Variants in PDE1C observed in about 807,000 individuals in gnomAD.
PDE1C encodes the protein phosphodiesterase 1C, also known as dual specificity calcium/calmodulin-dependent 3',5'-cyclic nucleotide phosphodiesterase 1C.
A neutral mutation model predicts 93.1 loss-of-function variants in PDE1C; 62 were observed. That is an observed-to-expected ratio of 0.67 (90% CI 0.54 to 0.82). The LOEUF (loss-of-function observed/expected upper bound fraction) is 0.82. Among genes scored for constraint, PDE1C ranks in the 40% least tolerant of loss-of-function variants. The pLI, the probability that PDE1C is intolerant of heterozygous loss-of-function variation, is 0.00. For missense variants in PDE1C, 742 were observed against 884.6 expected (o/e 0.84, Z 2.04); for synonymous variants, 325 against 310.1 (o/e 1.05, Z -0.50).
chr7:32,304,681 G>A lies in PDE1C; in HGVS notation c.311-95142C>T, dbSNP rs575257811. On this transcript the variant is annotated intron_variant, in intron 1 of 1. Coordinates refer to the PDE1C transcript ENST00000672256. ...AAGCTCCTCTACTTGCTAGCTGTGTGATCTTAGAAAAATGACTTAGCCTCT... is the reference window on the plus strand; with the variant it reads ...AAGCTCCTCTACTTGCTAGCTGTGTAATCTTAGAAAAATGACTTAGCCTCT... Among the ~76,000 whole-genome samples the A allele has an allele frequency of 1.7e-3, 251 of 152,072 alleles. 1 individual carries two copies. The highest frequency in any genetic ancestry group is 5.6e-3 in the African/African-American group (232 of 41,486).
the PDE1C span, among the ~76,000 whole-genome samples, chr7:31,623,741 A>C: frequency 1.9e-4 from 29 of 149,248 alleles, no homozygotes; most frequent in South Asian, 4.5e-4. Flanking sequence ...CACCACGCCT[A>C]TTCAACATAG....
the PDE1C span, chr7:31,642,404 G>A: frequency 1.5e-6 from 1 of 671,424 alleles, no homozygotes; most frequent in Admixed American, 3.0e-5. Flanking sequence ...AGGTTGAGAA[G>A]GCACAAGCCA....
chr7:32,310,141 A>G (rs1470504480), intron 1 of PDE1C, among the ~76,000 whole-genome samples: 1 of 151,992 alleles, frequency 6.6e-6, no homozygotes, highest in Admixed American at 6.6e-5. Context: ...ACAAAGATCA[A>G]AAGAGACAAA....
At chr7:32,380,950 C>T (rs1046460137) in intron 1 of PDE1C, among the ~76,000 whole-genome samples, 9 of 152,032 alleles carry the variant, frequency 5.9e-5, no homozygotes, top group Non-Finnish European at 1.3e-4. Flanking sequence ...TTTTCCACCT[C>T]CAGTTCCAAC....
chr7:31,933,845 C>T (rs1228332809), intron 2 of PDE1C, among the ~76,000 whole-genome samples: 1 of 152,164 alleles, frequency 6.6e-6, no homozygotes, highest in East Asian at 1.9e-4. Flanking sequence ...TTTTCTGAGG[C>T]TTCACCAGAA....
At chr7:32,100,950 C>T (rs1409643866) in intron 3 of PDE1C, among the ~76,000 whole-genome samples, 1 of 152,174 alleles carries the variant, frequency 6.6e-6, no homozygotes, top group East Asian at 1.9e-4. Context: ...ACTGGAATTT[C>T]CACATAGCAC....
chr7:32,133,618 GAC>G (rs1800044147), intron 3 of PDE1C, among the ~76,000 whole-genome samples: 1 of 152,066 alleles, frequency 6.6e-6, no homozygotes, highest in Admixed American at 6.6e-5. Context: ...AAATCTGAGT[GAC>G]CACCCACCAC....
At chr7:32,343,422 A>G (rs1403278120) in intron 1 of PDE1C, among the ~76,000 whole-genome samples, 1 of 152,206 alleles carries the variant, frequency 6.6e-6, no homozygotes, top group Non-Finnish European at 1.5e-5. Context: ...TGACTCACAG[A>G]TGGTGGGCTG....
At chr7:31,687,962 C>T in the PDE1C span, among the ~76,000 whole-genome samples, 329 of 152,216 alleles carry the variant, frequency 2.2e-3, 3 homozygotes, top group African/African-American at 7.7e-3. Context: ...ATTATGTTCC[C>T]AAGATTTAGA....
chr7:32,295,719 A>G (rs560101604), intron 1 of PDE1C, among the ~76,000 whole-genome samples: 13 of 151,742 alleles, frequency 8.6e-5, no homozygotes, highest in African/African-American at 2.9e-4. Context: ...CTGAAACCCC[A>G]CCTCTACTAA....
At chr7:31,854,696 T>C (rs547463084) in intron 7 of PDE1C, among the ~76,000 whole-genome samples, 1 of 152,306 alleles carries the variant, frequency 6.6e-6, no homozygotes, top group South Asian at 2.1e-4. Context: ...GACTTTTCTA[T>C]GTGAATGATA....
chr7:31,650,576 T>G, the PDE1C span, among the ~76,000 whole-genome samples: 2 of 152,202 alleles, frequency 1.3e-5, no homozygotes, highest in Non-Finnish European at 2.9e-5. Flanking sequence ...GCCTAACCTT[T>G]GCCTGCCTTC....
chr7:32,207,056 A>G lies in PDE1C; in HGVS notation c.136+2433T>C, dbSNP rs150091520. On this transcript the variant is annotated intron_variant, in intron 2 of 18. Coordinates refer to the PDE1C transcript ENST00000396193. ...AGATGCTCTAACTGAAGTCAGGTTG[A>G]TTGGAAGCCACTGCTTGAGCCTGCA... Among the ~76,000 whole-genome samples the G allele has an allele frequency of 4.3e-3, 656 of 152,214 alleles. 7 individuals carry two copies. Among genetic ancestry groups the G allele is most frequent in the African/African-American group, 0.015 (625 of 41,534 alleles).
intron 3 of PDE1C, among the ~76,000 whole-genome samples, chr7:32,147,984 T>TAAAAAAAAAAAAAAAAAACA (rs1801004696): frequency 1.3e-5 from 1 of 79,730 alleles, no homozygotes; most frequent in Non-Finnish European, 2.2e-5. Flanking sequence ...CCATTTATGC[T>TAAAAAAAAAAAAAAAAAACA]AAAAAAAAAA....
intron 2 of PDE1C, among the ~76,000 whole-genome samples, chr7:31,957,120 T>C (rs1307217941): frequency 6.6e-6 from 1 of 151,142 alleles, no homozygotes; most frequent in Non-Finnish European, 1.5e-5. Context: ...CACTGTGGTA[T>C]TCAAACAGAA....
the PDE1C span, among the ~76,000 whole-genome samples, chr7:31,735,300 A>AG: frequency 3.3e-5 from 5 of 152,176 alleles, no homozygotes; most frequent in East Asian, 9.7e-4. Flanking sequence ...TGGGAGGCTG[A>AG]GGCAGGAGAA....
intron 1 of PDE1C, among the ~76,000 whole-genome samples, chr7:32,380,385 A>G (rs920986019): frequency 1.4e-5 from 2 of 146,374 alleles, no homozygotes; most frequent in African/African-American, 5.1e-5. Flanking sequence ...CTATAGGCGC[A>G]TGCCACCATG....
the PDE1C span, among the ~76,000 whole-genome samples, chr7:31,629,919 T>C: frequency 6.6e-6 from 1 of 152,172 alleles, no homozygotes; most frequent in African/African-American, 2.4e-5. Context: ...AGGCAAAGTC[T>C]AAAGAATTGT....
upstream of PDE1C, chr7:32,070,911 C>T: frequency 7.1e-6 from 7 of 985,450 alleles, no homozygotes; most frequent in Non-Finnish European, 8.4e-6. Context: ...GGCTCCGCCC[C>T]GCGCCCAGCG....
Sources: allele counts gnomAD v4.1 joint callset (sites outside exome capture counted in the v4.1 genomes callset), GRCh38; gene constraint gnomAD v4.1.1; transcripts MANE v1.5; gene names NCBI Gene and HGNC (gene_info 2026-07-23, HGNC 2026-07-21).